The following NLGN1 variants were observed in gnomAD, a reference collection of about 807,000 sequenced individuals.
The protein encoded by NLGN1 is neuroligin-1.
A neutral mutation model predicts 65.5 loss-of-function variants in NLGN1; 12 were observed. That is an observed-to-expected ratio of 0.18 (90% confidence interval 0.12 to 0.30). NLGN1 has a LOEUF of 0.30. Ranked by LOEUF, NLGN1 falls within the 10% of genes least tolerant of loss-of-function variation. The pLI is 1.00. For synonymous variants in NLGN1, 350 were observed against 359.5 expected (o/e 0.97, Z 0.30); for missense variants, 750 against 1,007.1 (o/e 0.74, Z 3.46).
At chr3:173,648,035 G>T (rs1204973809) in intron 3 of NLGN1, among the ~76,000 whole-genome samples, 1 of 151,880 alleles carries the variant, frequency 6.6e-6, no homozygotes, top group African/African-American at 2.4e-5. Flanking sequence ...TAAAAGGAAA[G>T]AAATTGACAA....
At chr3:173,770,802 G>C (rs562982174) in intron 3 of NLGN1, among the ~76,000 whole-genome samples, 1 of 152,154 alleles carries the variant, frequency 6.6e-6, no homozygotes, top group African/African-American at 2.4e-5. Context: ...GATACTGCAT[G>C]TGATTCAATT....
At chr3:173,892,119 C>T (rs568140465) in intron 4 of NLGN1, among the ~76,000 whole-genome samples, 18 of 151,506 alleles carry the variant, frequency 1.2e-4, no homozygotes, top group African/African-American at 3.9e-4. Context: ...CAAGCATTTA[C>T]TCCTGTTAAG....
intron 4 of NLGN1, among the ~76,000 whole-genome samples, chr3:174,095,079 G>A (rs1745220593): frequency 6.6e-6 from 1 of 152,100 alleles, no homozygotes; most frequent in Non-Finnish European, 1.5e-5. Flanking sequence ...TTAAGGACTG[G>A]ATAAGCCTTT....
At chr3:173,544,259 C>T (rs1026216020) in intron 2 of NLGN1, among the ~76,000 whole-genome samples, 4 of 144,226 alleles carry the variant, frequency 2.8e-5, no homozygotes, top group South Asian at 4.5e-4. Flanking sequence ...GATTATATTA[C>T]GTGTGTGTGT....
At position 173,942,527 on chromosome 3, in the gene NLGN1, A is replaced by G. The variant is rs527832142; in HGVS notation, c.646+134695A>G. ...TCCTGAGCTCAGAATAGCGCCAAAA[A>G]GAGTTGAAAATGTGGCATCAACTTC... is the stretch of plus-strand genomic sequence containing the variant. On this transcript the variant is annotated intron_variant, in intron 4 of 6. Transcript: ENST00000457714. Among the ~76,000 whole-genome samples, 11 of 152,320 alleles carry G rather than the reference A, an allele frequency of 7.2e-5. No homozygotes were observed. The South Asian group carries it at 1.4e-3, about 20-fold the overall frequency.
chr3:173,494,148 T>C (rs28421146), intron 2 of NLGN1, among the ~76,000 whole-genome samples: 7,393 of 143,220 alleles, frequency 0.052, 266 homozygotes, highest in South Asian at 0.073. Flanking sequence ...TGTGTGTGTG[T>C]GCGCGTGCAT....
chr3:174,008,997 C>T (rs765641174), intron 4 of NLGN1, among the ~76,000 whole-genome samples: 3 of 152,204 alleles, frequency 2.0e-5, no homozygotes, highest in Admixed American at 1.3e-4. Context: ...GCTGCTGTAA[C>T]GAATACCATA....
At chr3:173,479,095 T>C (rs1402381239) in intron 2 of NLGN1, among the ~76,000 whole-genome samples, 3 of 152,108 alleles carry the variant, frequency 2.0e-5, no homozygotes, top group Non-Finnish European at 2.9e-5. Context: ...ATAAAAGATG[T>C]CTGTGTTTGT....
intron 4 of NLGN1, among the ~76,000 whole-genome samples, chr3:173,843,194 A>T (rs1231958817): frequency 6.6e-6 from 1 of 152,206 alleles, no homozygotes; most frequent in Non-Finnish European, 1.5e-5. Flanking sequence ...CCAAGTCCTT[A>T]GGCTGCACAC....
intron 2 of NLGN1, among the ~76,000 whole-genome samples, chr3:173,574,242 A>G (rs993754839): frequency 6.6e-6 from 1 of 151,864 alleles, no homozygotes; most frequent in Non-Finnish European, 1.5e-5. Flanking sequence ...TCTTTTTATA[A>G]GGTAAAGTTC....
At chr3:173,662,298 A>G (rs951862560) in intron 3 of NLGN1, among the ~76,000 whole-genome samples, 2 of 151,996 alleles carry the variant, frequency 1.3e-5, no homozygotes, top group African/African-American at 2.4e-5. Flanking sequence ...TGAGACTAAA[A>G]TAATTTGCTT....
At chr3:173,809,259 A>G (rs1203903239) in intron 4 of NLGN1, among the ~76,000 whole-genome samples, 2 of 152,146 alleles carry the variant, frequency 1.3e-5, no homozygotes, top group Non-Finnish European at 2.9e-5. Flanking sequence ...TAAGACATAT[A>G]AATAATTGCT....
At chr3:173,688,652 G>T (rs1265092678) in intron 3 of NLGN1, among the ~76,000 whole-genome samples, 1 of 152,156 alleles carries the variant, frequency 6.6e-6, no homozygotes, top group Non-Finnish European at 1.5e-5. Context: ...AAGTCACGTG[G>T]TCTCTTACTT....
intron 3 of NLGN1, among the ~76,000 whole-genome samples, chr3:173,757,498 C>T (rs1015883741): frequency 2.0e-5 from 3 of 151,926 alleles, no homozygotes; most frequent in Non-Finnish European, 4.4e-5. Context: ...AAAAAAACCA[C>T]ATACCTTTAA....
At chr3:174,020,295 G>A (rs1171151740) in intron 4 of NLGN1, among the ~76,000 whole-genome samples, 2 of 151,992 alleles carry the variant, frequency 1.3e-5, no homozygotes, top group African/African-American at 2.4e-5. Flanking sequence ...TGTCAAAGAC[G>A]AAAATTTTAG....
intron 4 of NLGN1, among the ~76,000 whole-genome samples, chr3:174,066,576 G>A (rs1239094191): frequency 6.8e-6 from 1 of 146,458 alleles, no homozygotes; most frequent in African/African-American, 2.5e-5. Flanking sequence ...GTGTGTGTGT[G>A]TGTGTGTGTG....
At chr3:173,927,527 G>A (rs2152277516) in intron 4 of NLGN1, among the ~76,000 whole-genome samples, 1 of 152,170 alleles carries the variant, frequency 6.6e-6, no homozygotes, top group African/African-American at 2.4e-5. Flanking sequence ...GCTCTTCCTG[G>A]CTACTATACA....
chr3:173,567,188 C>T (rs189504444), intron 2 of NLGN1, among the ~76,000 whole-genome samples: 19 of 152,132 alleles, frequency 1.2e-4, no homozygotes, highest in Admixed American at 1.0e-3. Flanking sequence ...AAAACACATA[C>T]ATGTAAGTTT....
intron 4 of NLGN1, among the ~76,000 whole-genome samples, chr3:174,063,359 T>A (rs1338147312): frequency 6.6e-6 from 1 of 152,156 alleles, no homozygotes; most frequent in African/African-American, 2.4e-5. Flanking sequence ...CTAAAAGAAG[T>A]TCTTGATGCT....
Sources: allele counts gnomAD v4.1 joint callset (sites outside exome capture counted in the v4.1 genomes callset), GRCh38; gene constraint gnomAD v4.1.1; transcripts MANE v1.5; gene names NCBI Gene and HGNC (gene_info 2026-07-23, HGNC 2026-07-21).